The following OR51B5 variants were observed in gnomAD, a reference collection of about 807,000 sequenced individuals.
OR51B5 encodes the protein olfactory receptor family 51 subfamily B member 5.
For synonymous variants in OR51B5, 186 were observed against 144.8 expected (o/e 1.28, Z -2.04); for missense variants, 456 against 374.6 (o/e 1.22, Z -1.79).
chr11:5,412,666 C>T (rs7110644), intron 1 of OR51B5, among the ~76,000 whole-genome samples: 2 of 151,968 alleles, frequency 1.3e-5, no homozygotes, highest in South Asian at 2.1e-4. Flanking sequence ...GAGGGTCCTA[C>T]GCCGACGGAG....
chr11:5,340,753 C>T (rs981577515), downstream of OR51B5: 1 of 152,072 alleles, frequency 6.6e-6, no homozygotes, highest in African/African-American at 2.4e-5. Context: ...ATGACTATAC[C>T]AATTAAAAAT....
chr11:5,351,190 T>C (rs530355473), intron 1 of OR51B5, among the ~76,000 whole-genome samples: 3 of 152,316 alleles, frequency 2.0e-5, no homozygotes, highest in African/African-American at 4.8e-5. Flanking sequence ...GATTTCTTCT[T>C]TCATTTTGTT....
intron 1 of OR51B5, among the ~76,000 whole-genome samples, chr11:5,460,163 C>A (rs923673165): frequency 6.6e-6 from 1 of 152,136 alleles, no homozygotes; most frequent in Non-Finnish European, 1.5e-5. Flanking sequence ...ACCACATGTT[C>A]TCACCTATAA....
chr11:5,408,163 C>T (rs1055690543), intron 1 of OR51B5, among the ~76,000 whole-genome samples: 1 of 152,130 alleles, frequency 6.6e-6, no homozygotes, highest in Non-Finnish European at 1.5e-5. Context: ...TTAGCTTTCA[C>T]TGTTTACAGC....
At chr11:5,421,645 A>C (rs374244209) in intron 1 of OR51B5, among the ~76,000 whole-genome samples, 3 of 152,226 alleles carry the variant, frequency 2.0e-5, no homozygotes, top group Admixed American at 1.3e-4. Flanking sequence ...GTAGAAATAG[A>C]CTGCAGTACA....
chr11:5,403,607 GT>G, intron 1 of OR51B5: 1 of 430,310 alleles, frequency 2.3e-6, no homozygotes, highest in Non-Finnish European at 4.8e-6. Flanking sequence ...ATAATAACAG[GT>G]GGCCCTAGAT....
intron 1 of OR51B5, among the ~76,000 whole-genome samples, chr11:5,380,511 A>G (rs961430543): frequency 3.9e-5 from 6 of 152,132 alleles, no homozygotes; most frequent in East Asian, 1.9e-4. Context: ...AGACACCTAA[A>G]AAGAGTCTGT....
At chr11:5,449,485 T>A (rs1850813126) in intron 1 of OR51B5, 1 of 152,546 alleles carries the variant, frequency 6.6e-6, no homozygotes, top group Non-Finnish European at 1.5e-5. Context: ...GGAGGGTATC[T>A]GATAGAAGCA....
At chr11:5,343,495 G>A (rs147069555) in exon 1 of OR51B5, 3 of 1,222,076 alleles carry the variant, frequency 2.5e-6, no homozygotes, top group South Asian at 2.5e-5. Context: ...CAGTCAATAG[G>A]AAGGGATGGG....
intron 1 of OR51B5, among the ~76,000 whole-genome samples, chr11:5,405,316 C>T (rs1850042805): frequency 6.6e-6 from 1 of 152,120 alleles, no homozygotes; most frequent in African/African-American, 2.4e-5. Flanking sequence ...TAAGACCTAG[C>T]ATTGGAATGT....
rs544430627 is a variant in OR51B5, at chr11:5,416,562, A to G, written n.85-69652T>C. On this transcript the variant is annotated intron_variant and non_coding_transcript_variant, in intron 1 of 4. Coordinates refer to the OR51B5 transcript ENST00000415970. ...CAGCCCAAAATCTCCTTAAGCTGAT[A>G]AGCAACTTCAGCAAAATCTCAGGAT... Among the ~76,000 whole-genome samples, 10 of 151,840 alleles carry G rather than the reference A, an allele frequency of 6.6e-5. No homozygotes were observed. In the South Asian group the frequency reaches 2.1e-3, roughly 32 times the overall value.
chr11:5,393,403 T>A (rs1035637930), intron 1 of OR51B5: 6 of 152,016 alleles, frequency 3.9e-5, no homozygotes, highest in Non-Finnish European at 8.8e-5. Flanking sequence ...CAAAATTAGG[T>A]ACAGAACAAT....
intron 1 of OR51B5, among the ~76,000 whole-genome samples, chr11:5,426,528 A>C (rs1055507927): frequency 6.6e-6 from 1 of 152,074 alleles, no homozygotes; most frequent in African/African-American, 2.4e-5. Context: ...AATAGGTGAA[A>C]TCTGTTAGAC....
chr11:5,379,667 G>T (rs908323486), intron 1 of OR51B5, among the ~76,000 whole-genome samples: 7 of 131,760 alleles, frequency 5.3e-5, no homozygotes, highest in African/African-American at 1.1e-4. Context: ...ATTGCTCAAG[G>T]TTAGCTAAAG....
chr11:5,351,950 C>A lies in OR51B5; in HGVS notation n.85-5040G>T, dbSNP rs146298201. 7.4e-6 allele frequency: 12 copies of A among 1,612,942 alleles called. No individual in the cohort carries two copies. The African/African-American group carries it at 1.5e-4, about 20-fold the overall frequency. On this transcript the variant is annotated intron_variant and non_coding_transcript_variant, in intron 1 of 4. Transcript: ENST00000415970. ...ATGAAGATTGGTGTGCGGGTATTGA[C>A]AAGGGCTGGTCTGTCCATTATGCCA... is the stretch of plus-strand genomic sequence containing the variant.
rs1007657740 is a variant in OR51B5 at position 5,486,488 on chromosome 11, C to T, written n.84+19081G>A. 4.0e-3 allele frequency among the ~76,000 whole-genome samples: 12 copies of T among 3,022 alleles called. No individual in the cohort carries two copies. The Non-Finnish European group carries it at 0.071, about 18-fold the overall frequency. The allele number at this position is 3,022 out of a possible 152,430, so 2.0% of individuals were successfully genotyped here. On this transcript the variant is annotated intron_variant and non_coding_transcript_variant, in intron 1 of 4. Coordinates refer to the OR51B5 transcript ENST00000415970. ...GGAAGAAATGTGGGGGCATGTGACA[C>T]GAAAATGTAAGACTCTGCTTTGGGA...
intron 1 of OR51B5, among the ~76,000 whole-genome samples, chr11:5,394,201 A>G (rs1405774484): frequency 6.6e-6 from 1 of 152,140 alleles, no homozygotes; most frequent in Non-Finnish European, 1.5e-5. Flanking sequence ...TTCTAAGGGC[A>G]TAATACACTA....
chr11:5,365,381 C>T lies in OR51B5; in HGVS notation n.85-18471G>A, dbSNP rs79696952. On this transcript the variant is annotated intron_variant and non_coding_transcript_variant, in intron 1 of 4. Coordinates refer to the OR51B5 transcript ENST00000415970. ...TGCATGGCTGGTCCCGGCATGGCAACAAGTAACCAAATATGGGATGAGAGA... is the reference window on the plus strand; with the variant it reads ...TGCATGGCTGGTCCCGGCATGGCAATAAGTAACCAAATATGGGATGAGAGA... 3.9e-3 allele frequency among the ~76,000 whole-genome samples: 597 copies of T among 152,244 alleles called. 2 individuals carry two copies. The highest frequency in any genetic ancestry group is 0.01 in the African/African-American group (427 of 41,526).
At position 5,376,139 on chromosome 11, in the gene OR51B5, G is replaced by T. The variant is rs542758250; in HGVS notation, n.85-29229C>A. On this transcript the variant is annotated intron_variant and non_coding_transcript_variant, in intron 1 of 4. Transcript: ENST00000415970. The stretch of plus-strand genomic sequence containing the variant: ...CTCAGACCACAGTGCAATCAAACTA[G>T]AACTCAGGATTAAGAAACTCACTCA... 1.6e-3 allele frequency among the ~76,000 whole-genome samples: 239 copies of T among 152,024 alleles called. 2 individuals carry two copies. Among genetic ancestry groups the T allele is most frequent in the Admixed American group, 2.6e-3 (39 of 15,288 alleles).
Sources: allele counts gnomAD v4.1 joint callset (sites outside exome capture counted in the v4.1 genomes callset), GRCh38; gene constraint gnomAD v4.1.1; transcripts MANE v1.5; gene names NCBI Gene and HGNC (gene_info 2026-07-23, HGNC 2026-07-21).